THSD7A: variants seen among roughly 807,000 people sequenced by gnomAD.
The protein encoded by THSD7A is thrombospondin type-1 domain-containing protein 7A.
In THSD7A, 96 loss-of-function variants were observed where a neutral mutation model predicts 231.3. The ratio of observed to expected loss-of-function variants is 0.41; its 90% CI spans 0.35 to 0.49. The LOEUF (loss-of-function observed/expected upper bound fraction) is 0.49, where lower values mean the gene tolerates loss of function less well. Ranked by LOEUF, THSD7A falls within the 20% of genes least tolerant of loss-of-function variation. The pLI, the probability that THSD7A is intolerant of heterozygous loss-of-function variation, is 0.05. For synonymous variants in THSD7A, 940 were observed against 743.3 expected, an observed-to-expected ratio of 1.26 and a Z score of -4.30; for missense variants, 2,290 against 2,070.2, an observed-to-expected ratio of 1.11 and a Z score of -2.06.
chr7:11,625,736 A>C (rs958392846), intron 2 of THSD7A, among the ~76,000 whole-genome samples: 1 of 152,116 alleles, frequency 6.6e-6, no homozygotes. Context: ...TGATTTATTA[A>C]ATTCCCTCTT....
Position 11,379,076 on chromosome 7 carries a change from C to T in THSD7A, c.4795G>A (p.Gly1599Arg), listed in dbSNP as rs910375415. Residue 1599 changes from glycine (G) to arginine (R), a missense_variant, in exon 26 of 28, where the codon GGG (glycine) becomes AGG (arginine). Transcript: ENST00000423059. ...ACTAGTCTAGTCAGTTCACCTGGCC[C>T]AAATGGCTGTAGAAACCAGGTCCTT... The part of the protein sequence containing the change: ...RGRTWFLQPF[G>R]PDGRLKTWVY... The T allele has an allele frequency of 6.2e-7, 1 of 1,613,054 alleles. No individual in the cohort carries two copies. Among genetic ancestry groups the T allele is most frequent in the Non-Finnish European group, 8.5e-7 (1 of 1,179,586 alleles).
chr7:11,383,671 T>G (rs1782614653), intron 23 of THSD7A: 1 of 150,940 alleles, frequency 6.6e-6, no homozygotes, highest in South Asian at 2.1e-4. Context: ...CATTTTAAAT[T>G]AAAGTTCCTT....
chr7:11,782,942 T>C (rs1226316751), intron 1 of THSD7A, among the ~76,000 whole-genome samples: 1 of 152,154 alleles, frequency 6.6e-6, no homozygotes, highest in East Asian at 1.9e-4. Context: ...CTGTGTTTTT[T>C]GTTTGTTTGT....
intron 1 of THSD7A, among the ~76,000 whole-genome samples, chr7:11,734,912 C>A (rs17247584): frequency 6.6e-6 from 1 of 151,646 alleles, no homozygotes; most frequent in Admixed American, 6.6e-5. Context: ...TTTTGGTCAA[C>A]GAATTTATTG....
chr7:11,467,185 C>T (rs1785744264), intron 9 of THSD7A, among the ~76,000 whole-genome samples: 2 of 152,124 alleles, frequency 1.3e-5, no homozygotes, highest in Non-Finnish European at 2.9e-5. Flanking sequence ...CCTGATGTCT[C>T]CAATCCTCAC....
At chr7:11,721,923 C>G (rs530449173) in intron 1 of THSD7A, among the ~76,000 whole-genome samples, 1 of 151,758 alleles carries the variant, frequency 6.6e-6, no homozygotes, top group Non-Finnish European at 1.5e-5. Flanking sequence ...ATATTGAACT[C>G]TTCTTATATT....
intron 4 of THSD7A, among the ~76,000 whole-genome samples, chr7:11,571,469 C>T (rs1188118465): frequency 6.6e-6 from 1 of 152,086 alleles, no homozygotes; most frequent in Non-Finnish European, 1.5e-5. Flanking sequence ...TTAGTATGTG[C>T]CTGGCCTTGT....
intron 1 of THSD7A, among the ~76,000 whole-genome samples, chr7:11,799,801 G>T (rs1256896304): frequency 6.6e-6 from 1 of 152,180 alleles, no homozygotes; most frequent in Non-Finnish European, 1.5e-5. Context: ...AATATAGGAA[G>T]AATTTTGTTA....
intron 1 of THSD7A, among the ~76,000 whole-genome samples, chr7:11,819,962 A>C (rs1185533720): frequency 2.0e-5 from 3 of 152,180 alleles, no homozygotes; most frequent in African/African-American, 7.2e-5. Context: ...TGTAAGTCTA[A>C]CACTGCACCA....
intron 27 of THSD7A, among the ~76,000 whole-genome samples, 200 bp downstream of exon 27, chr7:11,376,370 T>C (rs1233002642): frequency 6.6e-6 from 1 of 152,228 alleles, no homozygotes; most frequent in East Asian, 1.9e-4. Flanking sequence ...GAAGATGACC[T>C]GCAGCAAGCT....
At chr7:11,682,435 A>G (rs1783904092) in intron 1 of THSD7A, among the ~76,000 whole-genome samples, 1 of 152,116 alleles carries the variant, frequency 6.6e-6, no homozygotes, top group Non-Finnish European at 1.5e-5. Flanking sequence ...GAAAACAAAA[A>G]AGAGCAGAGG....
intron 6 of THSD7A, among the ~76,000 whole-genome samples, chr7:11,515,804 G>C (rs1788008752): frequency 6.6e-6 from 1 of 152,004 alleles, no homozygotes; most frequent in Non-Finnish European, 1.5e-5. Context: ...ATAATATCTT[G>C]GTTGTATCTT....
At chr7:11,379,337 C>T in intron 25 of THSD7A, 57 bp from the exon 26 acceptor site, 1 of 1,555,522 alleles carries the variant, frequency 6.4e-7, no homozygotes, top group Non-Finnish European at 8.9e-7. Context: ...GGAAGTCTAA[C>T]AGACCTGACT....
At position 11,773,043 on chromosome 7, in the gene THSD7A, T is replaced by C. The variant is rs535604903; in HGVS notation, c.190+58714A>G. Reference sequence around the variant, plus strand: ...CAACAATAATATTAATGAAATAGAATGAAGAGCCTAAGAAACCTCTGTGTA... The same window carrying C: ...CAACAATAATATTAATGAAATAGAACGAAGAGCCTAAGAAACCTCTGTGTA... On this transcript the variant is annotated intron_variant, in intron 1 of 27. Transcript: ENST00000423059. Among the ~76,000 whole-genome samples the C allele has an allele frequency of 1.1e-4, 16 of 152,200 alleles. No individual in the cohort carries two copies. The South Asian group carries it at 1.2e-3, about 12-fold the overall frequency.
intron 6 of THSD7A, among the ~76,000 whole-genome samples, chr7:11,521,941 G>A (rs1788284659): frequency 6.6e-6 from 1 of 151,838 alleles, no homozygotes; most frequent in Admixed American, 6.6e-5. Flanking sequence ...AATTATAACT[G>A]ATCATTATTA....
chr7:11,615,258 CA>C (rs1165350782), intron 2 of THSD7A, among the ~76,000 whole-genome samples: 1 of 152,174 alleles, frequency 6.6e-6, no homozygotes. Flanking sequence ...GACAAGCAGC[CA>C]CAGAGGTACA....
chr7:11,418,541 G>A lies in THSD7A; in HGVS notation c.3384-938C>T, dbSNP rs1337088850. Reference sequence around the variant, plus strand: ...CTGCATTTCAGGAGTTGAAAAGGAAGGCTTGAACTCTCAAGTCTCTCAAAC... The same window carrying A: ...CTGCATTTCAGGAGTTGAAAAGGAAAGCTTGAACTCTCAAGTCTCTCAAAC... On this transcript the variant is annotated intron_variant, in intron 16 of 27. Transcript: ENST00000423059. 2.6e-5 allele frequency among the ~76,000 whole-genome samples: 4 copies of A among 152,236 alleles called. No individual in the cohort carries two copies. In the East Asian group the frequency reaches 7.7e-4, roughly 29 times the overall value.
rs1785473657 is a variant in THSD7A, at chr7:11,460,712, T to C, written c.2555A>G (p.Gln852Arg). 2.5e-6 allele frequency: 4 copies of C among 1,612,606 alleles called. No homozygotes were observed. In the South Asian group the frequency reaches 3.3e-5, roughly 13 times the overall value. Residue 852 changes from glutamine to arginine, a missense_variant, in exon 11 of 28, where the codon CAA becomes CGA. By Grantham distance (43) the Gln-to-Arg change is conservative. Coordinates refer to ENST00000423059, the MANE Select transcript of THSD7A (RefSeq NM_015204.3). ...RCQLVPWSVQQDSPGAQEGCG... is the reference protein window; with the variant it reads ...RCQLVPWSVQRDSPGAQEGCG... ...GCCTTCCTGTGCTCCAGGGCTGTCT[T>C]GTTGCACGCTCCAAGGGACTAATTG...
At chr7:11,526,165 T>G (rs1038355606) in intron 6 of THSD7A, among the ~76,000 whole-genome samples, 2 of 152,166 alleles carry the variant, frequency 1.3e-5, no homozygotes, top group African/African-American at 4.8e-5. Context: ...TCTCTCATGA[T>G]CTGGTTTTAT....
Sources: allele counts gnomAD v4.1 joint callset (sites outside exome capture counted in the v4.1 genomes callset), GRCh38; gene constraint gnomAD v4.1.1; transcripts MANE v1.5; gene names NCBI Gene and HGNC (gene_info 2026-07-23, HGNC 2026-07-21).